Variants in SLC9A6 observed in about 807,000 individuals in gnomAD.
SLC9A6 encodes the protein sodium/hydrogen exchanger 6.
In SLC9A6, 6 loss-of-function variants were observed where a neutral mutation model predicts 45.3. The ratio of observed to expected loss-of-function variants is 0.13; its 90% CI spans 0.07 to 0.26. The LOEUF (loss-of-function observed/expected upper bound fraction) is 0.26. Among genes scored for constraint, SLC9A6 ranks in the 10% least tolerant of loss-of-function variants. The pLI is 1.00. For missense variants in SLC9A6, 278 were observed against 503.7 expected, an observed-to-expected ratio of 0.55 and a Z score of 4.29; for synonymous variants, 191 against 187.7, an observed-to-expected ratio of 1.02 and a Z score of -0.14.
chrX:136,040,158 C>G lies in SLC9A6; in HGVS notation c.1744C>G (p.Leu582Val). Residue 582 changes from leucine to valine, a missense_variant, in exon 17 of 18, where the codon CTC becomes GTC. Transcript: ENST00000630721. Reference protein sequence around the residue: ...PACCGPIARCLTSPQAYENQE... With the variant: ...PACCGPIARCVTSPQAYENQE... ...CTGCTGTGGACCCATCGCCAGGTGCCTCACCAGCCCCCAGGCTTACGAAGT... is the reference window on the plus strand; with the variant it reads ...CTGCTGTGGACCCATCGCCAGGTGCGTCACCAGCCCCCAGGCTTACGAAGT... 1 of 1,209,055 alleles carries G rather than the reference C, an allele frequency of 8.3e-7. No individual in the cohort carries two copies. The highest frequency in any genetic ancestry group is 1.1e-6 in the Non-Finnish European group (1 of 893,321).
rs782552712 is a variant in SLC9A6 at position 135,985,821 on chromosome X, A to G, written c.163A>G (p.Ile55Val). ...CCTGCACGAAACCGGCCTGGCTATG[A>G]TTTATGGCAAGTTCCTCAACCCTTG... ...RFLHETGLAM[I>V]YGLLVGLVLR... Residue 55 changes from isoleucine (I) to valine (V), a missense_variant, in exon 2 of 18, where the codon ATT (isoleucine) becomes GTT (valine). Coordinates refer to ENST00000630721, the MANE Select transcript of SLC9A6 (RefSeq NM_001379110.1). 1 of 1,210,698 alleles carries G rather than the reference A, an allele frequency of 8.3e-7. No homozygotes were observed. Among genetic ancestry groups the G allele is most frequent in the Admixed American group, 2.2e-5 (1 of 46,037 alleles).
At chrX:136,000,121 C>A (rs1158497762) in intron 6 of SLC9A6, among the ~76,000 whole-genome samples, 2 of 107,765 alleles carry the variant, frequency 1.9e-5, no homozygotes, top group African/African-American at 6.8e-5. Context: ...CATGGGAGTG[C>A]GTGCCTGTAG....
intron 16 of SLC9A6, among the ~76,000 whole-genome samples, chrX:136,037,617 C>G (rs782021921): frequency 2.2e-4 from 25 of 112,049 alleles, no homozygotes; most frequent in Non-Finnish European, 3.2e-4. Flanking sequence ...GTTGCCCAGG[C>G]AGGAGTGCAG....
intron 13 of SLC9A6, among the ~76,000 whole-genome samples, chrX:136,025,885 T>A (rs1255958179): frequency 8.9e-6 from 1 of 111,783 alleles, no homozygotes; most frequent in African/African-American, 3.3e-5. Context: ...CTTTCTTTTC[T>A]CAAGAGCTTG....
In SLC9A6 at chrX:136,004,013, C is replaced by T. The variant is rs1441514744; in HGVS notation, c.743+1800C>T. On this transcript the variant is annotated intron_variant, in intron 7 of 17. Transcript: ENST00000630721. ...ATTATAGAAAGTACTATACATGTTA[C>T]TATAAGGTGTTTGCAGGTTGAAGAA... 4.7e-5 allele frequency among the ~76,000 whole-genome samples: 5 copies of T among 106,454 alleles called. No homozygotes were observed. In the Admixed American group the frequency reaches 5.1e-4, roughly 11 times the overall value. 92.4% of individuals were successfully genotyped at this position (106,454 alleles called of 115,157 possible).
At chrX:135,997,745 A>T (rs1044539780) in intron 3 of SLC9A6, among the ~76,000 whole-genome samples, 5 of 109,675 alleles carry the variant, frequency 4.6e-5, no homozygotes, top group African/African-American at 1.7e-4. Flanking sequence ...TGGTTTGTTT[A>T]GATGGAGTCT....
chrX:135,979,570 A>C (rs2089277428), intron 1 of SLC9A6, among the ~76,000 whole-genome samples: 2 of 111,400 alleles, frequency 1.8e-5, no homozygotes, highest in African/African-American at 6.5e-5. Flanking sequence ...GTCATCTCTC[A>C]GTTCTTCTTC....
At position 135,985,664 on chromosome X, in the gene SLC9A6, C is replaced by G. The variant is rs1556614794; in HGVS notation, c.6C>G (p.Asp2Glu). The change falls in exon 2 of 18, where the codon GAC becomes GAG. Residue 2 changes from aspartate (D) to glutamate (E), a missense_variant. By Grantham distance (45) the Asp-to-Glu change is conservative. Coordinates refer to ENST00000630721, the MANE Select transcript of SLC9A6 (RefSeq NM_001379110.1). The part of the protein sequence containing the change: M[D>E]EEIVSEKQAE... ...GCGGCGGAGAGGCTAGAGCCATGGA[C>G]GAGGAGATCGTGTCCGAGAAGCAAG... The G allele has an allele frequency of 8.3e-7, 1 of 1,211,743 alleles. No homozygotes were observed. Among genetic ancestry groups the G allele is most frequent in the East Asian group, 3.0e-5 (1 of 33,808 alleles).
rs782431608 is a variant in SLC9A6 at position 135,985,492 on chromosome X, CG to C, written c.-57+21del. 24 of 1,074,422 alleles carry C rather than the reference CG, an allele frequency of 2.2e-5. No homozygotes were observed. The highest frequency in any genetic ancestry group is 2.8e-5 in the Non-Finnish European group (23 of 831,404). 88.5% of individuals were successfully genotyped at this position (1,074,422 alleles called of 1,213,427 possible). ...CCGCCGGTGAGGTAGGGGCGGGAGG[CG>C]GGGGGAGACATGGCTCGGCGCGGCT... On this transcript the variant is annotated intron_variant, in intron 1 of 17. Transcript: ENST00000630721.
At chrX:136,002,328 A>AT (rs2089594957) in intron 7 of SLC9A6, 115 bp downstream of exon 7, 3 of 566,236 alleles carry the variant, frequency 5.3e-6, no homozygotes, top group Admixed American at 2.6e-5. Context: ...AGAATGAGGC[A>AT]TTTTTTTCCC....
At chrX:136,010,215 C>T (rs977652622) in intron 7 of SLC9A6, 2 of 381,968 alleles carry the variant, frequency 5.2e-6, no homozygotes, top group Admixed American at 4.5e-5. Context: ...GAGGATTTTA[C>T]AATGTTCTAC....
At chrX:135,998,386 G>A in intron 4 of SLC9A6, 96 bp from the exon 5 acceptor site, 1 of 621,241 alleles carries the variant, frequency 1.6e-6, no homozygotes, top group Non-Finnish European at 2.6e-6. Context: ...TAATCCTAGT[G>A]AATAATGCAT....
At chrX:135,988,328 G>T (rs782681260) in intron 2 of SLC9A6, among the ~76,000 whole-genome samples, 1 of 111,589 alleles carries the variant, frequency 9.0e-6, no homozygotes, top group Non-Finnish European at 1.9e-5. Context: ...CTCATTGTGG[G>T]CAATGGGTGC....
rs1050920291 is a variant in SLC9A6, at chrX:135,977,314, T to C, written c.-57+2531T>C. On this transcript the variant is annotated intron_variant, in intron 1 of 16. Coordinates refer to the SLC9A6 transcript ENST00000636092. ...GTCTCTAAAGCGTTTCCTACTGAGA[T>C]GTTATTTGTGAAGACTTATCACGTT... 1.5e-4 allele frequency among the ~76,000 whole-genome samples: 17 copies of C among 112,246 alleles called. No homozygotes were observed. The Admixed American group carries it at 1.6e-3, about 11-fold the overall frequency.
chrX:136,044,390 C>G (rs938695731), intron 17 of SLC9A6, 62 bp from the exon 18 acceptor site: 5 of 1,014,919 alleles, frequency 4.9e-6, no homozygotes, highest in Non-Finnish European at 7.0e-6. Context: ...CGAAAATACT[C>G]CTATTGGAAA....
chrX:136,039,922 C>T, intron 16 of SLC9A6, 154 bp from the exon 17 acceptor site: 2 of 504,867 alleles, frequency 4.0e-6, no homozygotes, highest in Non-Finnish European at 3.6e-6. Flanking sequence ...TGCTGTTTCA[C>T]TGCCATCATG....
rs781853949 is a variant in SLC9A6 at position 136,024,816 on chromosome X, A to G, written c.1460+333A>G. The stretch of plus-strand genomic sequence containing the variant: ...TAAATATATTTACATCATTGCTTTA[A>G]TGGCTGCATATGTCCTGATTTACTT... On this transcript the variant is annotated intron_variant, in intron 13 of 17. Transcript: ENST00000630721. Among the ~76,000 whole-genome samples, 26 of 111,610 alleles carry G rather than the reference A, an allele frequency of 2.3e-4. No individual in the cohort carries two copies. The Admixed American group carries it at 2.5e-3, about 11-fold the overall frequency.
At chrX:135,997,020 C>T (rs2089512358) in intron 3 of SLC9A6, among the ~76,000 whole-genome samples, 3 of 110,796 alleles carry the variant, frequency 2.7e-5, no homozygotes, top group African/African-American at 6.6e-5. Context: ...CCCGCCTTGG[C>T]CTCCCAAAGT....
chrX:136,001,760 G>T (rs2089586993), intron 6 of SLC9A6, among the ~76,000 whole-genome samples: 1 of 112,114 alleles, frequency 8.9e-6, no homozygotes, highest in South Asian at 3.6e-4. Context: ...CTTCATTAAA[G>T]ATTAATGACT....
Sources: allele counts gnomAD v4.1 joint callset (sites outside exome capture counted in the v4.1 genomes callset), GRCh38; gene constraint gnomAD v4.1.1; transcripts MANE v1.5; gene names NCBI Gene and HGNC (gene_info 2026-07-23, HGNC 2026-07-21).